PCDHGA12: variants seen among roughly 807,000 people sequenced by gnomAD.
PCDHGA12 encodes protocadherin gamma-A12.
Under a neutral mutation model 61.1 loss-of-function variants are expected in PCDHGA12, and 43 were observed. The observed-to-expected ratio is 0.70, with a 90% CI of 0.55 to 0.91. PCDHGA12 has a LOEUF of 0.91. Among genes scored for constraint, PCDHGA12 ranks in the 40% least tolerant of loss-of-function variants. PCDHGA12 has a pLI of 0.00. For missense variants in PCDHGA12, 1,236 were observed against 1,227.7 expected (o/e 1.01, Z -0.10); for synonymous variants, 520 against 542.9 (o/e 0.96, Z 0.59).
intron 1 of PCDHGA12, among the ~76,000 whole-genome samples, chr5:141,474,165 A>G (rs1444314307): frequency 6.6e-6 from 1 of 152,234 alleles, no homozygotes; most frequent in Non-Finnish European, 1.5e-5. Context: ...GACAGGCCTT[A>G]TTATTGAGAA....
chr5:141,484,653 C>G (rs2099598614), intron 1 of PCDHGA12, among the ~76,000 whole-genome samples: 1 of 152,036 alleles, frequency 6.6e-6, no homozygotes, highest in Non-Finnish European at 1.5e-5. Flanking sequence ...AATGGCTACT[C>G]TCCCTCTCAG....
chr5:141,480,250 A>T (rs2099515553), intron 1 of PCDHGA12, among the ~76,000 whole-genome samples: 2 of 151,988 alleles, frequency 1.3e-5, no homozygotes, highest in African/African-American at 4.8e-5. Context: ...CAAAAAAAAA[A>T]AAAAATGTGT....
Position 141,477,856 on chromosome 5 carries a change from G to T in PCDHGA12, c.2425-16951G>T, listed in dbSNP as rs773703641. ...CAGGTGGGAGCTCGGTGGAGATGCTGCCTCGAGGTACCTCAGCTGGCCACC... is the reference window on the plus strand; with the variant it reads ...CAGGTGGGAGCTCGGTGGAGATGCTTCCTCGAGGTACCTCAGCTGGCCACC... On this transcript the variant is annotated intron_variant, in intron 1 of 3. Coordinates refer to ENST00000252085, the MANE Select transcript of PCDHGA12 (RefSeq NM_003735.3). This position sits in a 1 kb window ranked among gnomAD's most constrained non-coding sequence, Gnocchi z 4.9. 1 of 1,613,474 alleles carries T rather than the reference G, an allele frequency of 6.2e-7. No homozygotes were observed. Among genetic ancestry groups the T allele is most frequent in the Non-Finnish European group, 8.5e-7 (1 of 1,179,854 alleles).
At chr5:141,474,557 G>T (rs1261720500) in intron 1 of PCDHGA12, among the ~76,000 whole-genome samples, 2 of 152,184 alleles carry the variant, frequency 1.3e-5, no homozygotes, top group Admixed American at 1.3e-4. Context: ...AAAACTGGGG[G>T]TTTTCAGAGA....
At chr5:141,504,017 T>G (rs1186684262) in intron 2 of PCDHGA12, among the ~76,000 whole-genome samples, 1 of 152,150 alleles carries the variant, frequency 6.6e-6, no homozygotes, top group Non-Finnish European at 1.5e-5. Context: ...TCTCTGCTGG[T>G]CTCTTCCCAC....
At chr5:141,441,984 A>G (rs1202392318) in intron 1 of PCDHGA12, 4 of 275,400 alleles carry the variant, frequency 1.5e-5, no homozygotes, top group South Asian at 7.2e-5. Flanking sequence ...TGGAATGCGC[A>G]CCGACGAGGT....
intron 1 of PCDHGA12, among the ~76,000 whole-genome samples, chr5:141,483,522 C>G (rs557644901): frequency 9.3e-6 from 1 of 107,172 alleles, no homozygotes; most frequent in African/African-American, 3.9e-5. Flanking sequence ...TAGATCCTGA[C>G]TAAGGAAGCT....
intron 1 of PCDHGA12, among the ~76,000 whole-genome samples, chr5:141,449,199 A>T (rs927587807): frequency 3.3e-5 from 5 of 152,190 alleles, no homozygotes; most frequent in Admixed American, 2.6e-4. Flanking sequence ...AGAAGTGTTA[A>T]TTCTAACTTT....
rs191916514 is a variant in PCDHGA12, at chr5:141,456,716, G to A, written c.2424+23533G>A. 3.9e-3 allele frequency among the ~76,000 whole-genome samples: 589 copies of A among 152,314 alleles called. 5 individuals carry two copies. Among genetic ancestry groups the A allele is most frequent in the Admixed American group, 0.011 (169 of 15,300 alleles). On this transcript the variant is annotated intron_variant, in intron 1 of 3. Transcript: ENST00000252085. ...GTGGTGGCTCGCGCCTGTAATCCCA[G>A]CACTTTGGGAGGCTGAGGCGGGAGC...
chr5:141,453,022 T>C (rs1222692572), intron 1 of PCDHGA12, among the ~76,000 whole-genome samples: 1 of 152,230 alleles, frequency 6.6e-6, no homozygotes, highest in Non-Finnish European at 1.5e-5. Flanking sequence ...ATGTGATTCA[T>C]TAAAATAAAG....
At chr5:141,502,288 G>C (rs2099813700) in intron 2 of PCDHGA12, among the ~76,000 whole-genome samples, 1 of 151,338 alleles carries the variant, frequency 6.6e-6, no homozygotes, top group African/African-American at 2.5e-5. Flanking sequence ...ATTGCATTTG[G>C]TTGTCACGTC....
chr5:141,430,939 G>A lies in PCDHGA12; in HGVS notation c.180G>A (p.Ala60=). The A allele has an allele frequency of 6.2e-7, 1 of 1,607,854 alleles. No individual in the cohort carries two copies. The highest frequency in any genetic ancestry group is 1.1e-5 in the South Asian group (1 of 90,116). The change falls in exon 1 of 4, where the codon GCG becomes GCA. Residue 60 remains alanine (A), a synonymous_variant. Transcript: ENST00000252085. ...TGGGGCTGGAGCCCCGGGAGCTCGCGGAGCGCGGAGTCCGCATCATCCCCA... is the reference window on the plus strand; with the variant it reads ...TGGGGCTGGAGCCCCGGGAGCTCGCAGAGCGCGGAGTCCGCATCATCCCCA... ...RDLGLEPREL[A]ERGVRIIPRG...
chr5:141,447,516 A>G (rs997127013), intron 1 of PCDHGA12, among the ~76,000 whole-genome samples: 1 of 152,220 alleles, frequency 6.6e-6, no homozygotes, highest in African/African-American at 2.4e-5. Flanking sequence ...ATGCATAACA[A>G]TCATAACAAA....
At chr5:141,445,148 C>T (rs1051995635) in intron 1 of PCDHGA12, among the ~76,000 whole-genome samples, 3 of 152,092 alleles carry the variant, frequency 2.0e-5, no homozygotes, top group Non-Finnish European at 4.4e-5. Context: ...TCTAATTGTT[C>T]ATTTCTAGTT....
rs2099427993 is a variant in PCDHGA12, at chr5:141,477,978, T to C, written c.2425-16829T>C. Reference sequence around the variant, plus strand: ...TCCCCTAACCAGAGCCTTTTTGCCATAGGGCTGCACACTGGTCAAATCAGT... The same window carrying C: ...TCCCCTAACCAGAGCCTTTTTGCCACAGGGCTGCACACTGGTCAAATCAGT... On this transcript the variant is annotated intron_variant, in intron 1 of 3. Coordinates refer to ENST00000252085, the MANE Select transcript of PCDHGA12 (RefSeq NM_003735.3). This position sits in a 1 kb window ranked among gnomAD's most constrained non-coding sequence, Gnocchi z 4.9. 6.2e-7 allele frequency: 1 copy of C among 1,614,120 alleles called. No individual in the cohort carries two copies. Among genetic ancestry groups the C allele is most frequent in the Non-Finnish European group, 8.5e-7 (1 of 1,180,022 alleles).
Position 141,491,842 on chromosome 5 carries a change from T to C in PCDHGA12, c.2425-2965T>C, listed in dbSNP as rs551615550. The C allele has an allele frequency of 7.5e-6, 11 of 1,464,162 alleles. No homozygotes were observed. In the South Asian group the frequency reaches 1.3e-4, roughly 17 times the overall value. 90.7% of individuals were successfully genotyped at this position (1,464,162 alleles called of 1,614,324 possible). ...GCGCTCCACCCGATTCTCGGGATCA[T>C]TGGACCGTTTGCGCGAAACCAGAGT... On this transcript the variant is annotated intron_variant, in intron 1 of 3. Transcript: ENST00000252085. The surrounding 1 kb of genome is among the most constrained non-coding windows in gnomAD (Gnocchi z 6.9).
chr5:141,506,216 T>A (rs2237080), intron 3 of PCDHGA12, among the ~76,000 whole-genome samples: 78,167 of 151,604 alleles, frequency 0.52, 20,820 homozygotes, highest in African/African-American at 0.63. Flanking sequence ...TTTGGGAAGC[T>A]GAGGCAGGAG....
At chr5:141,500,840 C>T (rs1394248251) in intron 2 of PCDHGA12, among the ~76,000 whole-genome samples, 1 of 151,966 alleles carries the variant, frequency 6.6e-6, no homozygotes, top group Non-Finnish European at 1.5e-5. Flanking sequence ...TGCTAATGGG[C>T]TTTTGCTACA....
chr5:141,486,504 A>G lies in PCDHGA12; in HGVS notation c.2425-8303A>G. ...AGTACCCACAGAACTATTTTCCTCA[A>G]TATTTCAGATGTGAATGATAATCCA... On this transcript the variant is annotated intron_variant, in intron 1 of 3. Transcript: ENST00000252085. The surrounding 1 kb of genome is among the most constrained non-coding windows in gnomAD (Gnocchi z 5.0). 7.4e-6 allele frequency: 12 copies of G among 1,614,100 alleles called. No individual in the cohort carries two copies. Among genetic ancestry groups the G allele is most frequent in the Non-Finnish European group, 1.0e-5 (12 of 1,179,986 alleles).
Sources: gnomAD v4.1 joint callset for allele counts (sites outside exome capture counted in the v4.1 genomes callset) on GRCh38, gnomAD v4.1.1 for gene constraint, Gnocchi (gnomAD v3.1) non-coding constraint, MANE v1.5 for transcripts, NCBI Gene and HGNC (gene_info 2026-07-23, HGNC 2026-07-21) for gene names.